The following SLC5A6 variants were observed in gnomAD, a reference collection of about 807,000 sequenced individuals.
The protein encoded by SLC5A6 is sodium-dependent multivitamin transporter.
In SLC5A6, 31 loss-of-function variants were observed where a neutral mutation model predicts 67.9. That is an observed-to-expected ratio of 0.46 (90% CI 0.34 to 0.62). The LOEUF is 0.62. Among genes scored for constraint, SLC5A6 ranks in the 20% least tolerant of loss-of-function variants. The pLI, the probability that SLC5A6 is intolerant of heterozygous loss-of-function variation, is 0.01. For synonymous variants in SLC5A6, 343 were observed against 331.0 expected, an observed-to-expected ratio of 1.04 and a Z score of -0.39; for missense variants, 673 against 812.8, an observed-to-expected ratio of 0.83 and a Z score of 2.09.
At chr2:27,205,162 ACT>A in intron 7 of SLC5A6, 186 bp downstream of exon 7, 3 of 710,526 alleles carry the variant, frequency 4.2e-6, no homozygotes, top group Non-Finnish European at 6.9e-6. Context: ...TAATGTCCTG[ACT>A]CTCTATAAAC....
chr2:27,211,335 T>C (rs1273848960), intron 2 of SLC5A6, 132 bp downstream of exon 2: 1 of 152,180 alleles, frequency 6.6e-6, no homozygotes, highest in Non-Finnish European at 1.5e-5. Context: ...CTACTCGAGA[T>C]GATCACTTGG....
rs894080784 is a variant in SLC5A6, at chr2:27,205,586, ATTTTGTTTTG to A, written c.580-92_580-83del. The stretch of plus-strand genomic sequence containing the variant: ...ACCTGCCTTATTTTGTTGTTGCTCC[ATTTTGTTTTG>A]TTTTGTTTTGTTTTAGGCTTTTTGC... On this transcript the variant is annotated intron_variant, in intron 6 of 16. Transcript: ENST00000310574. The A allele has an allele frequency of 1.7e-5, 26 of 1,533,746 alleles. No homozygotes were observed. The Admixed American group carries it at 2.0e-4, about 12-fold the overall frequency.
intron 2 of SLC5A6, among the ~76,000 whole-genome samples, chr2:27,210,039 G>A (rs142927285): frequency 6.6e-6 from 1 of 152,194 alleles, no homozygotes; most frequent in South Asian, 2.1e-4. Flanking sequence ...GAGGTCTCCT[G>A]TGTGCAAAGA....
chr2:27,212,213 A>C lies in SLC5A6; in HGVS notation c.-401T>G. 2 of 1,557,664 alleles carry C rather than the reference A, an allele frequency of 1.3e-6. No homozygotes were observed. Among genetic ancestry groups the C allele is most frequent in the Non-Finnish European group, 1.7e-6 (2 of 1,151,204 alleles). On this transcript the variant is annotated 5_prime_UTR_variant, in exon 1 of 17. Coordinates refer to ENST00000310574, the MANE Select transcript of SLC5A6 (RefSeq NM_021095.4). ...AAGAGGGCTAGGGCGCATGAAGACCAGCGCAGAGCTCCACGAGCAGGAAAA... is the reference window on the plus strand; with the variant it reads ...AAGAGGGCTAGGGCGCATGAAGACCCGCGCAGAGCTCCACGAGCAGGAAAA...
intron 8 of SLC5A6, 44 bp downstream of exon 8, chr2:27,204,747 T>A: frequency 6.2e-7 from 1 of 1,612,704 alleles, no homozygotes; most frequent in Non-Finnish European, 8.5e-7. Context: ...GGGGAACCCC[T>A]TCCCCTAGAC....
Position 27,201,003 on chromosome 2 carries a change from C to T in SLC5A6, c.1759G>A (p.Gly587Ser), listed in dbSNP as rs764448030. 23 of 1,601,948 alleles carry T rather than the reference C, an allele frequency of 1.4e-5. No homozygotes were observed. Among genetic ancestry groups the T allele is most frequent in the African/African-American group, 6.7e-5 (5 of 74,666 alleles). The change falls in exon 16 of 17, where the codon GGC becomes AGC. Residue 587 changes from glycine to serine, a missense_variant. Physicochemically the swap from Gly to Ser is moderately conservative, Grantham distance 56. Coordinates refer to ENST00000310574, the MANE Select transcript of SLC5A6 (RefSeq NM_021095.4). ...CQKRLHCRSY[G>S]QDHLDTGLFP... ...ACTTGGACAGCAGGTACTACCTGGC[C>T]GTAGCTCCTGCAGTGGAGCCGCTTC...
chr2:27,201,396 G>A lies in SLC5A6; in HGVS notation c.1602C>T (p.Asn534=), dbSNP rs1558503079. The A allele has an allele frequency of 1.9e-6, 3 of 1,613,544 alleles. No homozygotes were observed. Among genetic ancestry groups the A allele is most frequent in the Admixed American group, 1.7e-5 (1 of 60,004 alleles). ...SLSYLWYSAH[N]STTVIVVGLI... ...GGCCCACCACAATCACTGTGGTGGA[G>A]TTGTGAGCACTGTACCATAAGTAAG... The change falls in exon 15 of 17, where the codon AAC becomes AAT. Residue 534 remains asparagine, a synonymous_variant. Transcript: ENST00000310574.
chr2:27,212,296 A>G (rs1393482657), upstream of SLC5A6: 4 of 1,551,970 alleles, frequency 2.6e-6, no homozygotes, highest in African/African-American at 1.4e-5. Context: ...CCCGGGGAAG[A>G]GGGCCTGACG....
At chr2:27,203,023 CCCA>C (rs1336196653) in intron 11 of SLC5A6, 143 bp from the exon 12 acceptor site, 2 of 1,505,964 alleles carry the variant, frequency 1.3e-6, no homozygotes, top group African/African-American at 1.4e-5. Context: ...CCAGCTTCCT[CCCA>C]CCAAGTCCTC....
intron 16 of SLC5A6, 101 bp from the exon 17 acceptor site, chr2:27,200,680 A>T: frequency 8.0e-7 from 1 of 1,246,332 alleles, no homozygotes; most frequent in Non-Finnish European, 1.1e-6. Flanking sequence ...GAGCCCAGCA[A>T]GGCTGGGTTC....
In SLC5A6 at chr2:27,201,989, G is replaced by A. The variant is rs1293955616; in HGVS notation, c.1361C>T (p.Pro454Leu). 2 of 1,613,712 alleles carry A rather than the reference G, an allele frequency of 1.2e-6. No homozygotes were observed. The highest frequency in any genetic ancestry group is 1.7e-6 in the Non-Finnish European group (2 of 1,179,576). The change falls in exon 13 of 17, where the codon CCT becomes CTT. Residue 454 changes from proline to leucine, a missense_variant and splice_region_variant. Physicochemically the swap from Pro to Leu is moderately conservative, Grantham distance 98. Transcript: ENST00000310574. ...TGTGGATCCAGATGCATCACTCACAGGAGGGTTAGCACATGGAAAGAACAT... is the reference window on the plus strand; with the variant it reads ...TGTGGATCCAGATGCATCACTCACAAGAGGGTTAGCACATGGAAAGAACAT... The part of the protein sequence containing the change: ...LGMFFPCANP[P>L]GAVVGLLAGL...
At position 27,202,842 on chromosome 2, in the gene SLC5A6, T is replaced by C. The variant is rs1673758254; in HGVS notation, c.1246A>G (p.Ile416Val). 1.9e-6 allele frequency: 3 copies of C among 1,613,816 alleles called. No individual in the cohort carries two copies. Among genetic ancestry groups the C allele is most frequent in the Non-Finnish European group, 2.5e-6 (3 of 1,179,958 alleles). ...YGLLCLGMAY[I>V]SSQMGPVLQA... ...AGCACAGGTCCCATCTGGGAGGAAATATAGGCCATTCCTAGACAAAGCAGC... is the reference window on the plus strand; with the variant it reads ...AGCACAGGTCCCATCTGGGAGGAAACATAGGCCATTCCTAGACAAAGCAGC... Residue 416 changes from isoleucine to valine, a missense_variant, in exon 12 of 17, where the codon ATT becomes GTT. Ile to Val is a conservative substitution (Grantham distance 29, BLOSUM62 3). Coordinates refer to ENST00000310574, the MANE Select transcript of SLC5A6 (RefSeq NM_021095.4).
chr2:27,201,913 T>A lies in SLC5A6; in HGVS notation c.1363-66A>T, dbSNP rs1673671333. ...GCCAGCCCTCACGGCAGTCCTCAGC[T>A]CTCCTGGTGACAGCCCTGCCAACCC... On this transcript the variant is annotated intron_variant, in intron 13 of 16. Transcript: ENST00000310574. 4 of 1,607,060 alleles carry A rather than the reference T, an allele frequency of 2.5e-6. No homozygotes were observed. The South Asian group carries it at 3.3e-5, about 13-fold the overall frequency.
chr2:27,200,921 G>A (rs952496499), intron 16 of SLC5A6, 77 bp downstream of exon 16: 2 of 942,932 alleles, frequency 2.1e-6, no homozygotes, highest in African/African-American at 3.2e-5. Context: ...GAGAGAAAAG[G>A]GGTAGAAGGG....
chr2:27,212,405 G>C, upstream of SLC5A6: 1 of 1,552,170 alleles, frequency 6.4e-7, no homozygotes, highest in South Asian at 1.2e-5. Flanking sequence ...TACGACCCTG[G>C]TGCCCTGGGC....
chr2:27,201,523 T>C, intron 14 of SLC5A6, 70 bp from the exon 15 acceptor site: 1 of 1,355,156 alleles, frequency 7.4e-7, no homozygotes, highest in Non-Finnish European at 1.1e-6. Context: ...CAATCTCTAC[T>C]TGCCCGCATG....
chr2:27,207,786 G>A lies in SLC5A6; in HGVS notation c.-136C>T. On this transcript the variant is annotated 5_prime_UTR_variant, in exon 3 of 17. Coordinates refer to ENST00000310574, the MANE Select transcript of SLC5A6 (RefSeq NM_021095.4). This position sits in a 1 kb window ranked among gnomAD's most constrained non-coding sequence, Gnocchi z 5.5. Reference sequence around the variant, plus strand: ...CCTCCACGGAGTGATACTGTCCAGGGTGAGCTGCAAAGGAATTAGCTCTTA... The same window carrying A: ...CCTCCACGGAGTGATACTGTCCAGGATGAGCTGCAAAGGAATTAGCTCTTA... 1.2e-6 allele frequency: 1 copy of A among 807,082 alleles called. No individual in the cohort carries two copies. Among genetic ancestry groups the A allele is most frequent in the Non-Finnish European group, 1.9e-6 (1 of 517,992 alleles). The allele number at this position is 807,082 out of a possible 1,614,324, so 50.0% of individuals were successfully genotyped here.
In SLC5A6 at chr2:27,201,764, G is replaced by C. The variant is rs770668466; in HGVS notation, c.1446C>G (p.Ser482Arg). Residue 482 changes from serine to arginine, a missense_variant, in exon 14 of 17, where the codon AGC becomes AGG. Transcript: ENST00000310574. ...ACCCATTAGAGGGAGAGGGTGGCAT[G>C]CTGGAGCCCATGCTGGTCACGATGC... Reference protein sequence around the residue: ...IGSIVTSMGSSMPPSPSNGSS... With the variant: ...IGSIVTSMGSRMPPSPSNGSS... The C allele has an allele frequency of 6.2e-7, 1 of 1,614,028 alleles. No homozygotes were observed. The highest frequency in any genetic ancestry group is 1.3e-5 in the African/African-American group (1 of 74,926).
intron 12 of SLC5A6, 106 bp downstream of exon 12, chr2:27,202,707 C>T: frequency 2.0e-6 from 2 of 985,712 alleles, no homozygotes; most frequent in Non-Finnish European, 3.3e-6. Context: ...ATCTCTTACG[C>T]CTGCCCCCCG....
Sources: allele counts gnomAD v4.1 joint callset (sites outside exome capture counted in the v4.1 genomes callset), GRCh38; gene constraint gnomAD v4.1.1; non-coding constraint Gnocchi (gnomAD v3.1); transcripts MANE v1.5; gene names NCBI Gene and HGNC (gene_info 2026-07-23, HGNC 2026-07-21).